SUCLG1: variants seen among roughly 807,000 people sequenced by gnomAD.
SUCLG1 encodes succinate--CoA ligase [ADP/GDP-forming] subunit alpha, mitochondrial.
SUCLG1 carries 26 observed loss-of-function variants against 37.3 expected under a neutral mutation model. That is an observed-to-expected ratio of 0.70 (90% CI 0.51 to 0.97). The LOEUF (loss-of-function observed/expected upper bound fraction) is 0.97. Ranked by LOEUF, SUCLG1 falls within the 50% of genes least tolerant of loss-of-function variation. The probability of loss-of-function intolerance (pLI) is 0.00; values close to 1 mark genes in which losing one functional copy is unlikely to be tolerated. For missense variants in SUCLG1, 433 were observed against 432.9 expected, an observed-to-expected ratio of 1.00 and a Z score of 0.00; for synonymous variants, 163 against 155.6, an observed-to-expected ratio of 1.05 and a Z score of -0.36.
chr2:84,458,060 A>T (rs1247517957), intron 1 of SUCLG1, among the ~76,000 whole-genome samples: 1 of 151,726 alleles, frequency 6.6e-6, no homozygotes, highest in Non-Finnish European at 1.5e-5. Context: ...AAGCGGAAAA[A>T]GAAAACTAAC....
At chr2:84,443,473 G>C in intron 2 of SUCLG1, 73 bp from the exon 3 acceptor site, 1 of 1,291,164 alleles carries the variant, frequency 7.7e-7, no homozygotes. Flanking sequence ...AGCAATCTTA[G>C]CAACTTAGGA....
chr2:84,449,787 A>G, intron 1 of SUCLG1, 35 bp from the exon 2 acceptor site: 1 of 1,076,850 alleles, frequency 9.3e-7, no homozygotes, highest in Non-Finnish European at 1.3e-6. Context: ...AAAAAAAAAA[A>G]GACACATTAT....
chr2:84,424,768 A>T (rs1672509511), intron 8 of SUCLG1, among the ~76,000 whole-genome samples: 1 of 152,170 alleles, frequency 6.6e-6, no homozygotes, highest in African/African-American at 2.4e-5. Flanking sequence ...ACAAGCTGAA[A>T]ATCAGTGCAA....
chr2:84,459,249 A>C lies in SUCLG1; in HGVS notation c.21T>G (p.Ala7=). MTATLA[A]AADIATMVSG... Reference sequence around the variant, plus strand: ...AGACCATGGTAGCGATGTCAGCGGCAGCGGCAAGGGTTGCGGTCATACGCC... The same window carrying C: ...AGACCATGGTAGCGATGTCAGCGGCCGCGGCAAGGGTTGCGGTCATACGCC... Residue 7 remains alanine (A), a synonymous_variant, in exon 1 of 9, where the codon GCT becomes GCG. Coordinates refer to ENST00000393868, the MANE Select transcript of SUCLG1 (RefSeq NM_003849.4). 2 of 1,550,668 alleles carry C rather than the reference A, an allele frequency of 1.3e-6. No individual in the cohort carries two copies. The highest frequency in any genetic ancestry group is 1.2e-5 in the South Asian group (1 of 84,046).
chr2:84,430,303 G>A (rs550503527), intron 7 of SUCLG1, among the ~76,000 whole-genome samples: 3 of 152,294 alleles, frequency 2.0e-5, no homozygotes, highest in African/African-American at 7.2e-5. Context: ...AACTCTAGGA[G>A]GCAGGCACTA....
At chr2:84,427,903 C>G (rs993252184) in intron 7 of SUCLG1, among the ~76,000 whole-genome samples, 1 of 152,210 alleles carries the variant, frequency 6.6e-6, no homozygotes, top group African/African-American at 2.4e-5. Context: ...ATCAAGGACA[C>G]TCATAAGTGA....
chr2:84,443,693 G>A (rs1672807751), intron 2 of SUCLG1, among the ~76,000 whole-genome samples: 1 of 152,028 alleles, frequency 6.6e-6, no homozygotes, highest in East Asian at 1.9e-4. Flanking sequence ...TAAAATTCAT[G>A]GTAGATCATT....
chr2:84,425,438 G>C lies in SUCLG1; in HGVS notation c.991C>G (p.Gln331Glu), dbSNP rs1393084089. The change falls in exon 8 of 9, where the codon CAG becomes GAG. Residue 331 changes from glutamine to glutamate, a missense_variant. Coordinates refer to ENST00000393868, the MANE Select transcript of SUCLG1 (RefSeq NM_003849.4). Reference sequence around the variant, plus strand: ...ACCTTGTAGATCGTGGTTCCCAGCTGTGCAGGAGACATACTGACCACAACT... The same window carrying C: ...ACCTTGTAGATCGTGGTTCCCAGCTCTGCAGGAGACATACTGACCACAACT... ...AGVVVSMSPA[Q>E]LGTTIYKEFE... The C allele has an allele frequency of 2.5e-6, 4 of 1,614,038 alleles. No individual in the cohort carries two copies. The highest frequency in any genetic ancestry group is 3.4e-6 in the Non-Finnish European group (4 of 1,180,046).
intron 7 of SUCLG1, 138 bp downstream of exon 7, chr2:84,431,370 G>A: frequency 1.9e-6 from 2 of 1,027,724 alleles, no homozygotes; most frequent in Non-Finnish European, 2.9e-6. Context: ...TGAGTGTCCA[G>A]TATAGAAGGC....
At chr2:84,435,886 T>A (rs554678513) in intron 5 of SUCLG1, among the ~76,000 whole-genome samples, 1 of 152,342 alleles carries the variant, frequency 6.6e-6, no homozygotes, top group Admixed American at 6.5e-5. Flanking sequence ...ACACTGCCAC[T>A]ACTGTTTTCC....
At chr2:84,425,374 GC>G (rs751243038) in intron 8 of SUCLG1, 40 bp downstream of exon 8, 1 of 1,612,368 alleles carries the variant, frequency 6.2e-7, no homozygotes, top group Non-Finnish European at 8.5e-7. Context: ...CACAGAGAAA[GC>G]CTGCAACCTC....
chr2:84,426,720 T>C (rs1672540820), intron 7 of SUCLG1: 1 of 151,754 alleles, frequency 6.6e-6, no homozygotes, highest in African/African-American at 2.4e-5. Context: ...AGTTTCATAA[T>C]TAATGGTAAT....
intron 5 of SUCLG1, among the ~76,000 whole-genome samples, chr2:84,439,504 G>A (rs1487452424): frequency 6.6e-6 from 1 of 152,158 alleles, no homozygotes; most frequent in Non-Finnish European, 1.5e-5. Flanking sequence ...GAACTCAGAT[G>A]GCCTATGGAG....
In SUCLG1 at chr2:84,441,995, G is replaced by A. The variant is rs73942659; in HGVS notation, c.319-536C>T. Among the ~76,000 whole-genome samples the A allele has an allele frequency of 9.2e-3, 1,405 of 152,152 alleles. 17 individuals are homozygous for A. Among genetic ancestry groups the A allele is most frequent in the African/African-American group, 0.033 (1,351 of 41,510 alleles). On this transcript the variant is annotated intron_variant, in intron 3 of 8. Transcript: ENST00000393868. The stretch of plus-strand genomic sequence containing the variant: ...ACAACAGCAAATATTGTGCTGGGAC[G>A]TCATATGGATGAAAGGTACCAACCC...
chr2:84,435,082 G>C (rs1175582332), intron 5 of SUCLG1, among the ~76,000 whole-genome samples: 2 of 152,186 alleles, frequency 1.3e-5, no homozygotes, highest in East Asian at 3.9e-4. Flanking sequence ...CAGAGTCCCA[G>C]CTTCCCTCTC....
At chr2:84,431,856 T>G (rs539741704) in intron 6 of SUCLG1, among the ~76,000 whole-genome samples, 197 bp from the exon 7 acceptor site, 1 of 152,336 alleles carries the variant, frequency 6.6e-6, no homozygotes, top group South Asian at 2.1e-4. Context: ...ATTATATAAA[T>G]GCTAAATGGT....
intron 5 of SUCLG1, 77 bp downstream of exon 5, chr2:84,440,970 T>C (rs561445865): frequency 2.2e-5 from 33 of 1,477,652 alleles, no homozygotes; most frequent in Admixed American, 2.0e-4. Context: ...ATTTGCAAAG[T>C]CAAAAATTCT....
At chr2:84,446,136 C>A (rs1268398097) in intron 2 of SUCLG1, among the ~76,000 whole-genome samples, 1 of 152,224 alleles carries the variant, frequency 6.6e-6, no homozygotes. Flanking sequence ...CCCCTGACCA[C>A]CTGATATAAA....
chr2:84,429,141 G>T (rs1210076792), intron 7 of SUCLG1, among the ~76,000 whole-genome samples: 1 of 152,178 alleles, frequency 6.6e-6, no homozygotes, highest in Admixed American at 6.5e-5. Flanking sequence ...ATATAATGCA[G>T]CATCTGAACT....
Sources: gnomAD v4.1 joint callset for allele counts (sites outside exome capture counted in the v4.1 genomes callset) on GRCh38, gnomAD v4.1.1 for gene constraint, MANE v1.5 for transcripts, NCBI Gene and HGNC (gene_info 2026-07-23, HGNC 2026-07-21) for gene names.